Variants in RPTOR observed in about 807,000 individuals in gnomAD.
RPTOR encodes regulatory-associated protein of mTOR.
Under a neutral mutation model 169.9 loss-of-function variants are expected in RPTOR, and 21 were observed. The ratio of observed to expected loss-of-function variants is 0.12; its 90% CI spans 0.09 to 0.18. The LOEUF (loss-of-function observed/expected upper bound fraction) is 0.18. Ranked by LOEUF, RPTOR falls within the 10% of genes least tolerant of loss-of-function variation. The pLI is 1.00. For synonymous variants in RPTOR, 732 were observed against 753.2 expected (o/e 0.97, Z 0.46); for missense variants, 1,133 against 1,855.9 (o/e 0.61, Z 7.16).
intron 24 of RPTOR, among the ~76,000 whole-genome samples, chr17:80,934,611 C>T (rs2068934578): frequency 6.6e-6 from 1 of 152,150 alleles, no homozygotes; most frequent in South Asian, 2.1e-4. Flanking sequence ...ACCTCAGCCT[C>T]TCAAAGTGCT....
intron 5 of RPTOR, among the ~76,000 whole-genome samples, chr17:80,751,930 G>A (rs1415512504): frequency 1.3e-5 from 2 of 152,188 alleles, no homozygotes; most frequent in Non-Finnish European, 2.9e-5. Context: ...GCCTAGATGG[G>A]CAGATGAGGT....
At chr17:80,547,609 A>G (rs1237412974) in intron 1 of RPTOR, among the ~76,000 whole-genome samples, 1 of 152,188 alleles carries the variant, frequency 6.6e-6, no homozygotes, top group East Asian at 1.9e-4. Context: ...AGCAGCTAAC[A>G]TCTTCAGTTG....
intron 23 of RPTOR, 178 bp downstream of exon 23, chr17:80,923,851 C>T: frequency 4.5e-6 from 3 of 659,800 alleles, no homozygotes; most frequent in Admixed American, 6.1e-5. Flanking sequence ...GGTCCTCACT[C>T]GTGCACCCCT....
chr17:80,791,545 A>T (rs2067049022), intron 7 of RPTOR, 36 bp downstream of exon 7: 1 of 1,583,512 alleles, frequency 6.3e-7, no homozygotes, highest in Non-Finnish European at 8.6e-7. Context: ...GGCTCTCTGG[A>T]TCTGATGAGT....
chr17:80,736,921 C>A (rs527836535), intron 5 of RPTOR, among the ~76,000 whole-genome samples: 1 of 152,252 alleles, frequency 6.6e-6, no homozygotes, highest in Admixed American at 6.5e-5. Context: ...AGCTCAGGCT[C>A]GCCTGTATTT....
In RPTOR at chr17:80,957,642, A is replaced by T. The variant is rs1387736762; in HGVS notation, c.3389A>T (p.Asp1130Val). The stretch of plus-strand genomic sequence containing the variant: ...TCTCCAGGAGCTGGGATGGTGGTGG[A>T]CTGGGAGCAGGAGACCGGCCTCCTC... ...PTTRGAGMVV[D>V]WEQETGLLMS... Residue 1130 changes from aspartate (D) to valine (V), a missense_variant, in exon 29 of 34, where the codon GAC (aspartate) becomes GTC (valine). Asp to Val is a radical substitution (Grantham distance 152, BLOSUM62 -3). Coordinates refer to ENST00000306801, the MANE Select transcript of RPTOR (RefSeq NM_020761.3). The surrounding 1 kb of genome is among the most constrained non-coding windows in gnomAD (Gnocchi z 4.6). 6.2e-7 allele frequency: 1 copy of T among 1,613,980 alleles called. No homozygotes were observed. Among genetic ancestry groups the T allele is most frequent in the Non-Finnish European group, 8.5e-7 (1 of 1,180,022 alleles).
chr17:80,666,726 T>C (rs150221038), intron 3 of RPTOR, among the ~76,000 whole-genome samples: 2 of 152,182 alleles, frequency 1.3e-5, no homozygotes, highest in African/African-American at 4.8e-5. Context: ...ACATTGCCCC[T>C]GCTGTAGTGG....
At chr17:80,953,339 G>C (rs963773640) in intron 28 of RPTOR, among the ~76,000 whole-genome samples, 1 of 152,198 alleles carries the variant, frequency 6.6e-6, no homozygotes. Context: ...GCACCATCAC[G>C]GCTCACTGCA....
At position 80,561,722 on chromosome 17, in the gene RPTOR, G is replaced by A. The variant is rs773827635; in HGVS notation, c.162+15931G>A. On this transcript the variant is annotated intron_variant, in intron 1 of 33. Transcript: ENST00000306801. Reference sequence around the variant, plus strand: ...GCTAGGATTACAGACATGAGCCACCGCACCCAGCCCAGGATGGCATTTTAC... The same window carrying A: ...GCTAGGATTACAGACATGAGCCACCACACCCAGCCCAGGATGGCATTTTAC... 5.6e-4 allele frequency among the ~76,000 whole-genome samples: 85 copies of A among 152,248 alleles called. 1 individual carries two copies. Among genetic ancestry groups the A allele is most frequent in the Non-Finnish European group, 1.0e-3 (69 of 67,994 alleles).
Position 80,874,368 on chromosome 17 carries a change from T to G in RPTOR, c.1510-6047T>G, listed in dbSNP as rs572565961. Among the ~76,000 whole-genome samples the G allele has an allele frequency of 2.6e-5, 4 of 152,236 alleles. No individual in the cohort carries two copies. The East Asian group carries it at 5.8e-4, about 22-fold the overall frequency. On this transcript the variant is annotated intron_variant, in intron 13 of 33. Coordinates refer to ENST00000306801, the MANE Select transcript of RPTOR (RefSeq NM_020761.3). ...CGTGCCACCACGCCCAGCTAATTTT[T>G]GTGTTTCTAGTAGAGATGGGGTTTC...
chr17:80,773,822 A>G (rs575971346), intron 6 of RPTOR: 1 of 985,288 alleles, frequency 1.0e-6, no homozygotes, highest in Admixed American at 6.1e-5. Context: ...TGGAAGAGGA[A>G]CGCTTGGTGC....
intron 24 of RPTOR, among the ~76,000 whole-genome samples, chr17:80,927,195 T>C (rs2068820738): frequency 6.6e-6 from 1 of 152,262 alleles, no homozygotes; most frequent in African/African-American, 2.4e-5. Flanking sequence ...CAGGCCGTCC[T>C]CTAGAACTGC....
chr17:80,936,662 A>T lies in RPTOR; in HGVS notation c.2920-3834A>T, dbSNP rs1014796407. Among the ~76,000 whole-genome samples the T allele has an allele frequency of 6.6e-6, 1 of 152,226 alleles. No individual in the cohort carries two copies. Among genetic ancestry groups the T allele is most frequent in the Non-Finnish European group, 1.5e-5 (1 of 68,032 alleles). On this transcript the variant is annotated intron_variant, in intron 24 of 33. Transcript: ENST00000306801. The surrounding 1 kb of genome is among the most constrained non-coding windows in gnomAD (Gnocchi z 4.1). ...AGGCAAAACTGTGTGGAACTGTTCT[A>T]TATCTTCCACATTTATCAAAACTCC... is the stretch of plus-strand genomic sequence containing the variant.
At chr17:80,781,348 C>T (rs1326708517) in intron 6 of RPTOR, among the ~76,000 whole-genome samples, 1 of 152,164 alleles carries the variant, frequency 6.6e-6, no homozygotes, top group Non-Finnish European at 1.5e-5. Flanking sequence ...ATCGTAGGGT[C>T]AGCTCGTGGC....
intron 7 of RPTOR, among the ~76,000 whole-genome samples, chr17:80,812,729 A>G (rs1261197964): frequency 6.6e-6 from 1 of 152,174 alleles, no homozygotes; most frequent in Non-Finnish European, 1.5e-5. Flanking sequence ...TCCCGAACAT[A>G]CACACAGCCT....
At chr17:80,866,910 C>A (rs1267885002) in intron 13 of RPTOR, among the ~76,000 whole-genome samples, 5 of 152,146 alleles carry the variant, frequency 3.3e-5, no homozygotes. Context: ...AAAACTTTTA[C>A]TACAAAGAAA....
At chr17:80,665,405 TTC>T (rs2065761020) in intron 3 of RPTOR, among the ~76,000 whole-genome samples, 1 of 8,126 alleles carries the variant, frequency 1.2e-4, no homozygotes, top group Non-Finnish European at 2.0e-4. Flanking sequence ...TTCCTTTCCT[TTC>T]CTTTCCTTTC....
At chr17:80,649,452 T>C (rs1044641212) in intron 3 of RPTOR, among the ~76,000 whole-genome samples, 2 of 152,164 alleles carry the variant, frequency 1.3e-5, no homozygotes, top group African/African-American at 2.4e-5. Flanking sequence ...CACCTGACTT[T>C]CTTCTCTGTG....
chr17:80,599,267 C>T (rs980820373), intron 1 of RPTOR, among the ~76,000 whole-genome samples: 1 of 152,208 alleles, frequency 6.6e-6, no homozygotes, highest in Non-Finnish European at 1.5e-5. Context: ...AGCCACCATG[C>T]AGTGATTCCA....
Sources: allele counts gnomAD v4.1 joint callset (sites outside exome capture counted in the v4.1 genomes callset), GRCh38; gene constraint gnomAD v4.1.1; non-coding constraint Gnocchi (gnomAD v3.1); transcripts MANE v1.5; gene names NCBI Gene and HGNC (gene_info 2026-07-23, HGNC 2026-07-21).